The following LARGE1 variants were observed in gnomAD, a reference collection of about 807,000 sequenced individuals.
LARGE1 encodes the protein xylosyl- and glucuronyltransferase LARGE1.
Under a neutral mutation model 87.6 loss-of-function variants are expected in LARGE1, and 43 were observed. The ratio of observed to expected loss-of-function variants is 0.49; its 90% confidence interval spans 0.38 to 0.63. The LOEUF (loss-of-function observed/expected upper bound fraction) is 0.63, where lower values mean the gene tolerates loss of function less well. LARGE1 is among the 30% of genes least tolerant of loss of function. The pLI, the probability that LARGE1 is intolerant of heterozygous loss-of-function variation, is 0.00. For synonymous variants in LARGE1, 434 were observed against 394.6 expected (o/e 1.10, Z -1.18); for missense variants, 802 against 1,000.2 (o/e 0.80, Z 2.67).
chr22:33,380,489 ATATAATT>A (rs1245700823), intron 9 of LARGE1, among the ~76,000 whole-genome samples: 1 of 152,236 alleles, frequency 6.6e-6, no homozygotes, highest in African/African-American at 2.4e-5. Context: ...GTTAATTAAG[ATATAATT>A]TATATTTATG....
In LARGE1 at chr22:33,890,916, G is replaced by T. The variant is rs149281163; in HGVS notation, c.-83+29079C>A. 2.5e-3 allele frequency among the ~76,000 whole-genome samples: 375 copies of T among 152,278 alleles called. 10 individuals carry two copies. Among genetic ancestry groups the T allele is most frequent in the Admixed American group, 0.023 (350 of 15,294 alleles). ...ACTTTACTGGGCATAGCTGCTCAGA[G>T]ATTTACTGCCCTAGCGCCAAGGCAT... On this transcript the variant is annotated intron_variant, in intron 1 of 14. Transcript: ENST00000397394.
chr22:33,077,847 A>T, the LARGE1 span, among the ~76,000 whole-genome samples: 1 of 152,074 alleles, frequency 6.6e-6, no homozygotes, highest in Non-Finnish European at 1.5e-5. Context: ...AATACTGAAC[A>T]TTCTTCACTT....
intron 1 of LARGE1, among the ~76,000 whole-genome samples, chr22:33,858,925 G>A (rs2063834322): frequency 6.7e-6 from 1 of 148,700 alleles, no homozygotes; most frequent in Non-Finnish European, 1.5e-5. Context: ...ATCATTCTCA[G>A]CAAACTAACA....
chr22:33,507,804 A>G (rs2070835288), intron 6 of LARGE1, among the ~76,000 whole-genome samples: 1 of 152,136 alleles, frequency 6.6e-6, no homozygotes, highest in Non-Finnish European at 1.5e-5. Context: ...CATCTATGGA[A>G]GTTTAGGAAC....
At chr22:33,664,362 C>A (rs2081209859) in intron 2 of LARGE1, among the ~76,000 whole-genome samples, 2 of 152,224 alleles carry the variant, frequency 1.3e-5, no homozygotes, top group Non-Finnish European at 2.9e-5. Context: ...TCCTGAATTT[C>A]TTCCCTCATG....
At chr22:33,582,368 T>C (rs372124256) in intron 5 of LARGE1, among the ~76,000 whole-genome samples, 46 of 151,634 alleles carry the variant, frequency 3.0e-4, no homozygotes, top group African/African-American at 1.0e-3. Flanking sequence ...ATGGAAAACA[T>C]TGCATTATCT....
the LARGE1 span, among the ~76,000 whole-genome samples, chr22:33,085,261 G>C: frequency 6.6e-6 from 1 of 152,244 alleles, no homozygotes; most frequent in South Asian, 2.1e-4. Context: ...GGGTGACAGA[G>C]CGAGACTCCG....
chr22:33,623,705 TAAA>T (rs36005583), intron 4 of LARGE1, among the ~76,000 whole-genome samples: 18 of 133,500 alleles, frequency 1.3e-4, no homozygotes, highest in Admixed American at 1.5e-4. Context: ...TTAACTGATT[TAAA>T]AAAAAAAAAA....
At chr22:33,112,062 C>T in the LARGE1 span, among the ~76,000 whole-genome samples, 1 of 152,180 alleles carries the variant, frequency 6.6e-6, no homozygotes, top group Non-Finnish European at 1.5e-5. Context: ...AAGGGAGGAG[C>T]CATTGAAGGG....
chr22:33,411,675 G>A (rs1306550112), intron 7 of LARGE1, among the ~76,000 whole-genome samples: 1 of 152,104 alleles, frequency 6.6e-6, no homozygotes, highest in Non-Finnish European at 1.5e-5. Context: ...ACAAACATGG[G>A]TAATGAGAAT....
At chr22:33,271,633 T>C (rs755780909), downstream of LARGE1, among the ~76,000 whole-genome samples, 6 of 152,254 alleles carry the variant, frequency 3.9e-5, 1 homozygote, top group East Asian at 3.8e-4. Flanking sequence ...CCCCAGGGAA[T>C]TGATGCAAAG....
chr22:33,223,084 G>A (rs1257012222), intron 11 of LARGE1, among the ~76,000 whole-genome samples: 1 of 152,166 alleles, frequency 6.6e-6, no homozygotes, highest in Admixed American at 6.5e-5. Context: ...CCTTATTCAG[G>A]GTTAGTTAGC....
intron 11 of LARGE1, among the ~76,000 whole-genome samples, chr22:33,178,307 C>A (rs1048867932): frequency 1.3e-5 from 2 of 152,128 alleles, no homozygotes; most frequent in Non-Finnish European, 2.9e-5. Context: ...TTAAAGGAAG[C>A]CCTGCACAAC....
chr22:33,615,080 C>G (rs2079544843), intron 4 of LARGE1, among the ~76,000 whole-genome samples: 1 of 152,218 alleles, frequency 6.6e-6, no homozygotes, highest in African/African-American at 2.4e-5. Context: ...CCAGCTGAGT[C>G]TGTGCTCAAA....
At chr22:33,404,411 A>G (rs1229661302) in intron 7 of LARGE1, among the ~76,000 whole-genome samples, 1 of 152,212 alleles carries the variant, frequency 6.6e-6, no homozygotes, top group Non-Finnish European at 1.5e-5. Context: ...AGTGCTCAAT[A>G]AATGTTAGCT....
rs35018256 is a variant in LARGE1, at chr22:33,416,906, C to CTTTTTTTTTTTTTTTTTTTTTT, written c.892+15254_892+15255insAAAAAAAAAAAAAAAAAAAAAA. On this transcript the variant is annotated intron_variant, in intron 7 of 14. Transcript: ENST00000397394. Reference sequence around the variant, plus strand: ...ACAGGTGTGAGGCACCACGCCCGGACTTTTTTTTTTTTTTTTTTTGAGACA... The same window carrying CTTTTTTTTTTTTTTTTTTTTTT: ...ACAGGTGTGAGGCACCACGCCCGGACTTTTTTTTTTTTTTTTTTTTTTTTTTTTTTTTTTTTTTTTTGAGACA... 6.7e-5 allele frequency among the ~76,000 whole-genome samples: 6 copies of CTTTTTTTTTTTTTTTTTTTTTT among 90,148 alleles called. 2 individuals carry two copies. The highest frequency in any genetic ancestry group is 3.4e-4 in the African/African-American group (6 of 17,438). 59.1% of individuals were successfully genotyped at this position (90,148 alleles called of 152,430 possible). A position where few individuals can be genotyped will look rare whatever the true frequency, so the allele number is the denominator to read the frequency against.
chr22:33,547,199 C>A (rs1029094232), intron 6 of LARGE1, among the ~76,000 whole-genome samples: 2 of 150,396 alleles, frequency 1.3e-5, no homozygotes, highest in African/African-American at 4.9e-5. Context: ...ACCAGTTTCA[C>A]GGAAGACAAT....
At chr22:33,321,381 C>T (rs565191859) in intron 10 of LARGE1, among the ~76,000 whole-genome samples, 56 of 152,248 alleles carry the variant, frequency 3.7e-4, no homozygotes, top group African/African-American at 1.2e-3. Flanking sequence ...AGAGGGAGTC[C>T]CCCTGGCTTT....
At chr22:33,106,249 A>C in the LARGE1 span, among the ~76,000 whole-genome samples, 1 of 152,198 alleles carries the variant, frequency 6.6e-6, no homozygotes, top group Non-Finnish European at 1.5e-5. Context: ...TACAGAGGTG[A>C]AGAAGACAGG....
Sources: gnomAD v4.1 joint callset for allele counts (sites outside exome capture counted in the v4.1 genomes callset) on GRCh38, gnomAD v4.1.1 for gene constraint, MANE v1.5 for transcripts, NCBI Gene and HGNC (gene_info 2026-07-23, HGNC 2026-07-21) for gene names.